The following CYREN variants were observed in gnomAD, a reference collection of about 807,000 sequenced individuals.
The protein encoded by CYREN is cell cycle regulator of non-homologous end joining.
In CYREN, 7 loss-of-function variants were observed where a neutral mutation model predicts 9.7. The ratio of observed to expected loss-of-function variants is 0.72; its 90% CI spans 0.41 to 1.36. CYREN has a LOEUF of 1.36. CYREN is among the 40% of genes most tolerant of loss of function. The pLI, the probability that CYREN is intolerant of heterozygous loss-of-function variation, is 0.01. For synonymous variants in CYREN, 76 were observed against 77.9 expected (o/e 0.98, Z 0.13); for missense variants, 215 against 198.1 (o/e 1.09, Z -0.51).
chr7:135,124,037 A>G (rs1827509448), intron 2 of CYREN, among the ~76,000 whole-genome samples: 1 of 152,202 alleles, frequency 6.6e-6, no homozygotes, highest in Non-Finnish European at 1.5e-5. Context: ...AAATTGACAC[A>G]TTACAATACT....
intron 2 of CYREN, chr7:135,168,550 G>C: frequency 1.8e-6 from 1 of 549,542 alleles, no homozygotes; most frequent in Non-Finnish European, 3.2e-6. Flanking sequence ...CTCTGTGTGT[G>C]CTGAGGGCAG....
intron 2 of CYREN, among the ~76,000 whole-genome samples, chr7:135,100,888 T>G (rs759774717): frequency 6.6e-6 from 1 of 152,190 alleles, no homozygotes; most frequent in Non-Finnish European, 1.5e-5. Context: ...CTGATTCCCC[T>G]TATGTAACAT....
intron 2 of CYREN, among the ~76,000 whole-genome samples, chr7:135,123,579 G>A (rs2117264231): frequency 6.6e-6 from 1 of 152,202 alleles, no homozygotes; most frequent in South Asian, 2.1e-4. Flanking sequence ...TCAACCCCAA[G>A]ACACATAATC....
chr7:135,154,213 T>C (rs1412903911), intron 2 of CYREN, among the ~76,000 whole-genome samples: 1 of 152,196 alleles, frequency 6.6e-6, no homozygotes, highest in Non-Finnish European at 1.5e-5. Context: ...ATTTGGATCT[T>C]CTTTCTTCTT....
intron 2 of CYREN, among the ~76,000 whole-genome samples, chr7:135,127,551 A>T (rs1295537223): frequency 4.8e-4 from 1 of 2,062 alleles, no homozygotes; most frequent in Non-Finnish European, 2.6e-3. Context: ...GTCTCCGTCT[A>T]AAAAAAAAAA....
intron 2 of CYREN, among the ~76,000 whole-genome samples, chr7:135,096,883 A>G (rs1228896864): frequency 1.3e-5 from 2 of 152,216 alleles, no homozygotes; most frequent in Non-Finnish European, 2.9e-5. Context: ...AATAGAGCAT[A>G]TGACAAAATA....
intron 3 of CYREN, chr7:135,167,167 G>A: frequency 1.0e-6 from 1 of 985,400 alleles, no homozygotes; most frequent in Non-Finnish European, 1.2e-6. Flanking sequence ...AAAGGCCGGT[G>A]ACAGAACCCA....
chr7:135,158,162 G>A (rs1829841406), intron 2 of CYREN, among the ~76,000 whole-genome samples: 1 of 152,080 alleles, frequency 6.6e-6, no homozygotes, highest in South Asian at 2.1e-4. Flanking sequence ...CCTTGGGCCT[G>A]TGACCAGGAG....
chr7:135,109,428 G>A (rs987216871), intron 2 of CYREN, among the ~76,000 whole-genome samples: 1 of 150,696 alleles, frequency 6.6e-6, no homozygotes, highest in South Asian at 2.1e-4. Flanking sequence ...CTCAGACTGG[G>A]AGGACATGCC....
At chr7:135,094,458 C>T (rs776398003) in exon 3 of CYREN, 56 of 456,540 alleles carry the variant, frequency 1.2e-4, no homozygotes, top group Admixed American at 2.3e-4. Context: ...AGGCTGAGTG[C>T]GCACTAGCTT....
intron 1 of CYREN, among the ~76,000 whole-genome samples, chr7:135,169,874 C>T (rs1830521954): frequency 6.6e-6 from 1 of 152,234 alleles, no homozygotes; most frequent in Admixed American, 6.5e-5. Flanking sequence ...ATTGCTCATC[C>T]AGATGGCTGT....
rs149050179 is a variant in CYREN, at chr7:135,137,749, G to C, written n.356+31000C>G. On this transcript the variant is annotated intron_variant and non_coding_transcript_variant, in intron 2 of 2. Coordinates refer to the CYREN transcript ENST00000459937. ...TGCTGTAACAAAATACCATAAACTA[G>C]GCTGCTTAATGAAACAATAGAAATT... 7.0e-3 allele frequency among the ~76,000 whole-genome samples: 1,063 copies of C among 152,122 alleles called. 15 individuals carry two copies. The highest frequency in any genetic ancestry group is 0.024 in the African/African-American group (1,013 of 41,526).
At chr7:135,132,662 G>A (rs185886029) in intron 2 of CYREN, among the ~76,000 whole-genome samples, 10 of 152,188 alleles carry the variant, frequency 6.6e-5, no homozygotes, top group South Asian at 2.1e-4. Context: ...TACTCTTCTC[G>A]TGGTACTGAA....
chr7:135,162,028 A>C (rs1225869573), downstream of CYREN, among the ~76,000 whole-genome samples: 3 of 152,230 alleles, frequency 2.0e-5, no homozygotes, highest in East Asian at 3.8e-4. Flanking sequence ...CTGCCAAAGA[A>C]GTCGCTGGTC....
At chr7:135,168,449 T>C (rs1349900908) in intron 2 of CYREN, 21 of 360,996 alleles carry the variant, frequency 5.8e-5, no homozygotes, top group Non-Finnish European at 6.6e-5. Flanking sequence ...TCCACTGATC[T>C]TGCCCATCTG....
chr7:135,115,666 A>T, intron 2 of CYREN: 1 of 1,353,126 alleles, frequency 7.4e-7, no homozygotes, highest in Non-Finnish European at 1.0e-6. Flanking sequence ...TTTTTAAAAA[A>T]GCAGGGCTTA....
At chr7:135,144,793 C>T (rs1829512842) in intron 2 of CYREN, among the ~76,000 whole-genome samples, 2 of 150,674 alleles carry the variant, frequency 1.3e-5, no homozygotes, top group Non-Finnish European at 3.0e-5. Flanking sequence ...ATTAGCCAGG[C>T]ATAGTGGCAC....
At chr7:135,164,830 GC>G, downstream of CYREN, 1 of 1,614,080 alleles carries the variant, frequency 6.2e-7, no homozygotes. Context: ...CTGGCAGGCG[GC>G]CTGGGCCTCT....
intron 2 of CYREN, among the ~76,000 whole-genome samples, chr7:135,125,203 A>G (rs777707009): frequency 6.6e-6 from 1 of 152,166 alleles, no homozygotes; most frequent in Non-Finnish European, 1.5e-5. Flanking sequence ...AATAAAAATG[A>G]TAAGGGGATA....
Sources: gnomAD v4.1 joint callset for allele counts (sites outside exome capture counted in the v4.1 genomes callset) on GRCh38, gnomAD v4.1.1 for gene constraint, MANE v1.5 for transcripts, NCBI Gene and HGNC (gene_info 2026-07-23, HGNC 2026-07-21) for gene names.